Variants in BFSP1 observed in about 807,000 individuals in gnomAD.
BFSP1 encodes beaded filament structural protein 1, also known as filensin.
BFSP1 carries 38 observed loss-of-function variants against 43.9 expected under a neutral mutation model. The observed-to-expected ratio is 0.87, with a 90% CI of 0.67 to 1.14. The LOEUF is 1.14. Ranked by LOEUF, BFSP1 falls within the 50% of genes most tolerant of loss-of-function variation. The probability of loss-of-function intolerance (pLI) is 0.00; values close to 1 mark genes in which losing one functional copy is unlikely to be tolerated. For synonymous variants in BFSP1, 352 were observed against 354.8 expected, an observed-to-expected ratio of 0.99 and a Z score of 0.09; for missense variants, 850 against 875.1, an observed-to-expected ratio of 0.97 and a Z score of 0.36.
intron 5 of BFSP1, among the ~76,000 whole-genome samples, chr20:17,500,687 C>T (rs1022093296): frequency 7.9e-5 from 12 of 152,174 alleles, no homozygotes; most frequent in African/African-American, 2.9e-4. Flanking sequence ...AGTGACGCCG[C>T]ATTACCCCAG....
At chr20:17,523,905 G>A (rs181243056) in intron 2 of BFSP1, among the ~76,000 whole-genome samples, 19 of 152,124 alleles carry the variant, frequency 1.2e-4, no homozygotes, top group Admixed American at 1.3e-4. Context: ...AACATCCGGC[G>A]CTAACCCTGA....
intron 5 of BFSP1, among the ~76,000 whole-genome samples, chr20:17,500,657 C>T (rs1204091645): frequency 2.0e-5 from 3 of 152,142 alleles, no homozygotes; most frequent in Admixed American, 1.3e-4. Context: ...CCACTTTTAA[C>T]GAGATGTTTC....
At chr20:17,520,154 A>G (rs2123506077) in intron 2 of BFSP1, among the ~76,000 whole-genome samples, 1 of 152,210 alleles carries the variant, frequency 6.6e-6, no homozygotes, top group Non-Finnish European at 1.5e-5. Flanking sequence ...AGCAGATGCC[A>G]GACCTACTGG....
rs1202771279 is a variant in BFSP1 at position 17,507,684 on chromosome 20, T to A, written c.735+1205A>T. Among the ~76,000 whole-genome samples the A allele has an allele frequency of 6.6e-6, 1 of 152,070 alleles. No homozygotes were observed. The highest frequency in any genetic ancestry group is 1.5e-5 in the Non-Finnish European group (1 of 67,998). ...TGTACACAAACACATACAACCCTTA[T>A]TCTATCCTGTCAGAGCCTCAGAAGA... On this transcript the variant is annotated intron_variant, in intron 5 of 7. Coordinates refer to ENST00000377873, the MANE Select transcript of BFSP1 (RefSeq NM_001195.5). This position sits in a 1 kb window ranked among gnomAD's most constrained non-coding sequence, Gnocchi z 4.4.
At chr20:17,495,091 CT>C (rs1389211058) in intron 7 of BFSP1, 62 bp from the exon 8 acceptor site, 9 of 1,469,544 alleles carry the variant, frequency 6.1e-6, no homozygotes, top group Non-Finnish European at 8.3e-6. Flanking sequence ...AGAAAATACG[CT>C]GGTTGGAAAA....
chr20:17,501,081 C>T (rs1249343626), intron 5 of BFSP1, among the ~76,000 whole-genome samples: 2 of 152,198 alleles, frequency 1.3e-5, no homozygotes, highest in Admixed American at 1.3e-4. Context: ...CTTCGAGTCA[C>T]AAGGGGCAAG....
At position 17,521,533 on chromosome 20, in the gene BFSP1, T is replaced by G. The variant is rs184006230; in HGVS notation, c.438+3315A>C. 1.4e-3 allele frequency among the ~76,000 whole-genome samples: 211 copies of G among 152,314 alleles called. 1 individual carries two copies. Among genetic ancestry groups the G allele is most frequent in the African/African-American group, 4.9e-3 (204 of 41,564 alleles). On this transcript the variant is annotated intron_variant, in intron 2 of 7. Coordinates refer to ENST00000377873, the MANE Select transcript of BFSP1 (RefSeq NM_001195.5). ...CTGAGCTAAAACCTCGTTGATCTGA[T>G]GTAAGAAAATACCCAAAACCTGCAG...
Position 17,497,136 on chromosome 20 carries a change from G to A in BFSP1, c.957-113C>T, listed in dbSNP as rs6136119. The A allele has an allele frequency of 0.024, 16,798 of 695,368 alleles. 426 individuals are homozygous for A. Among genetic ancestry groups the A allele is most frequent in the East Asian group, 0.14 (4,363 of 31,740 alleles). 43.1% of individuals were successfully genotyped at this position (695,368 alleles called of 1,614,324 possible). A position where few individuals can be genotyped will look rare whatever the true frequency, so the allele number is the denominator to read the frequency against. Reference sequence around the variant, plus strand: ...GCTTTCTCTAGACCAAATTGCTCACGAATTAGATATCATTTTAAACAGACA... The same window carrying A: ...GCTTTCTCTAGACCAAATTGCTCACAAATTAGATATCATTTTAAACAGACA... On this transcript the variant is annotated intron_variant, in intron 6 of 7. Coordinates refer to ENST00000377873, the MANE Select transcript of BFSP1 (RefSeq NM_001195.5).
At chr20:17,566,843 G>A (rs994301459) in intron 1 of BFSP1, among the ~76,000 whole-genome samples, 12 of 152,008 alleles carry the variant, frequency 7.9e-5, no homozygotes, top group East Asian at 1.9e-4. Flanking sequence ...TAGTAGAGAC[G>A]GGGTTTCACC....
At chr20:17,565,899 C>CT (rs963280608) in intron 1 of BFSP1, 48 of 152,394 alleles carry the variant, frequency 3.1e-4, no homozygotes, top group African/African-American at 1.1e-3. Flanking sequence ...GGGCGGATCA[C>CT]TTGAGGCCAG....
At chr20:17,544,277 C>G (rs1248744280) in intron 1 of BFSP1, among the ~76,000 whole-genome samples, 2 of 152,190 alleles carry the variant, frequency 1.3e-5, no homozygotes, top group African/African-American at 2.4e-5. Flanking sequence ...GGGTACTTAT[C>G]CACCAATCCC....
At chr20:17,560,149 C>A (rs1292493355), upstream of BFSP1, among the ~76,000 whole-genome samples, 3 of 151,636 alleles carry the variant, frequency 2.0e-5, no homozygotes, top group Non-Finnish European at 4.4e-5. Flanking sequence ...AGAGCAGACC[C>A]CAAAGAAAAT....
At chr20:17,522,806 T>C (rs145436826) in intron 2 of BFSP1, among the ~76,000 whole-genome samples, 104 of 152,220 alleles carry the variant, frequency 6.8e-4, no homozygotes, top group African/African-American at 2.3e-3. Context: ...GGGTGGGGAG[T>C]ATTGTGATTC....
intron 1 of BFSP1, chr20:17,565,529 T>C (rs1416178763): frequency 2.0e-5 from 3 of 152,232 alleles, no homozygotes; most frequent in East Asian, 1.9e-4. Flanking sequence ...TTATTGATAA[T>C]GGCAAGATTG....
intron 1 of BFSP1, among the ~76,000 whole-genome samples, chr20:17,567,405 CATAA>C (rs2035131690): frequency 6.6e-6 from 1 of 152,134 alleles, no homozygotes. Flanking sequence ...GGAAAATGCA[CATAA>C]ATAATTACAG....
intron 6 of BFSP1, among the ~76,000 whole-genome samples, 176 bp downstream of exon 6, chr20:17,498,644 G>A (rs557589218): frequency 2.0e-5 from 3 of 152,274 alleles, no homozygotes; most frequent in Admixed American, 6.5e-5. Context: ...AGCACTGGTC[G>A]TACCTTCATC....
chr20:17,562,096 A>G (rs1174910333), upstream of BFSP1, among the ~76,000 whole-genome samples: 1 of 151,730 alleles, frequency 6.6e-6, no homozygotes, highest in Non-Finnish European at 1.5e-5. Context: ...AATTTTTTGT[A>G]TTTTTAGTAG....
At chr20:17,568,785 T>C (rs775188747) in intron 1 of BFSP1, among the ~76,000 whole-genome samples, 1 of 151,990 alleles carries the variant, frequency 6.6e-6, no homozygotes, top group Non-Finnish European at 1.5e-5. Context: ...ACATACAACC[T>C]AGATTTTACG....
In BFSP1 at chr20:17,504,910, T is replaced by TTTTTTGTTTTTG. The variant is rs11473744; in HGVS notation, c.735+3967_735+3978dup. Among the ~76,000 whole-genome samples, 100 of 139,188 alleles carry TTTTTTGTTTTTG rather than the reference T, an allele frequency of 7.2e-4. 2 individuals are homozygous for TTTTTTGTTTTTG. Among genetic ancestry groups the TTTTTTGTTTTTG allele is most frequent in the East Asian group, 1.0e-3 (5 of 4,888 alleles). The allele number at this position is 139,188 out of a possible 152,430, so 91.3% of individuals were successfully genotyped here. A position where few individuals can be genotyped will look rare whatever the true frequency, so the allele number is the denominator to read the frequency against. On this transcript the variant is annotated intron_variant, in intron 5 of 7. Transcript: ENST00000377873. ...CAGACACCTTTAGGTGTAAGGTTTTTTTTTTGTTTTTGTTTTTGTTTTTGT... is the reference window on the plus strand; with the variant it reads ...CAGACACCTTTAGGTGTAAGGTTTTTTTTTTGTTTTTGTTTTTGTTTTTGTTTTTGTTTTTGT...
Sources: gnomAD v4.1 joint callset for allele counts (sites outside exome capture counted in the v4.1 genomes callset) on GRCh38, gnomAD v4.1.1 for gene constraint, Gnocchi (gnomAD v3.1) non-coding constraint, MANE v1.5 for transcripts, NCBI Gene and HGNC (gene_info 2026-07-23, HGNC 2026-07-21) for gene names.